The following COBL variants were observed in gnomAD, a reference collection of about 807,000 sequenced individuals.
COBL encodes the protein protein cordon-bleu.
Under a neutral mutation model 98.8 loss-of-function variants are expected in COBL, and 51 were observed. The observed-to-expected ratio is 0.52, with a 90% CI of 0.41 to 0.65. COBL has a LOEUF of 0.65. Ranked by LOEUF, COBL falls within the 30% of genes least tolerant of loss-of-function variation. The pLI is 0.00. For missense variants in COBL, 1,617 were observed against 1,617.5 expected (o/e 1.00, Z 0.01); for synonymous variants, 634 against 651.7 (o/e 0.97, Z 0.41).
At chr7:51,311,516 G>A (rs919973077) in intron 1 of COBL, among the ~76,000 whole-genome samples, 1 of 152,192 alleles carries the variant, frequency 6.6e-6, no homozygotes, top group Non-Finnish European at 1.5e-5. Flanking sequence ...GAAGCAACTA[G>A]AATCATATAA....
intron 3 of COBL, among the ~76,000 whole-genome samples, chr7:51,191,815 G>A (rs1790141273): frequency 6.6e-6 from 1 of 152,064 alleles, no homozygotes; most frequent in African/African-American, 2.4e-5. Context: ...CGCTTTTACT[G>A]ATCACTCTAA....
chr7:51,094,156 T>G, intron 6 of COBL, among the ~76,000 whole-genome samples: 1 of 152,036 alleles, frequency 6.6e-6, no homozygotes, highest in African/African-American at 2.4e-5. Context: ...TGTTCTCACT[T>G]ATATGTGGAA....
rs114278255 is a variant in COBL, at chr7:51,270,180, C to T, written c.41+46413G>A. Among the ~76,000 whole-genome samples, 352 of 152,140 alleles carry T rather than the reference C, an allele frequency of 2.3e-3. 1 individual carries two copies. The highest frequency in any genetic ancestry group is 8.1e-3 in the African/African-American group (337 of 41,514). ...CTGAGCACACAGGGCTTGGCTGGAG[C>T]GAAATAAAATGCACCCTTTTAAGAG... On this transcript the variant is annotated intron_variant, in intron 1 of 12. Transcript: ENST00000265136.
chr7:51,020,972 G>T (rs1786872134), intron 12 of COBL: 1 of 152,204 alleles, frequency 6.6e-6, no homozygotes, highest in African/African-American at 2.4e-5. Context: ...TGTATTACAG[G>T]TTGGGTGACC....
In COBL at chr7:51,028,692, T is replaced by C. The variant is rs1198213742; in HGVS notation, c.2404A>G (p.Asn802Asp). The part of the protein sequence containing the change: ...PSTPVPTQTQ[N>D]PESRLQADPK... ...TCTGCTTGGAGTCTGCTCTCTGGAT[T>C]CTGCGTCTGCGTGGGCACAGGGGTG... is the stretch of plus-strand genomic sequence containing the variant. The change falls in exon 10 of 13, where the codon AAT becomes GAT. Residue 802 changes from asparagine (N) to aspartate (D), a missense_variant. Transcript: ENST00000265136. The C allele has an allele frequency of 6.2e-7, 1 of 1,613,344 alleles. No homozygotes were observed.
chr7:51,094,160 T>C (rs1795073460), intron 6 of COBL, among the ~76,000 whole-genome samples: 1 of 151,984 alleles, frequency 6.6e-6, no homozygotes, highest in African/African-American at 2.4e-5. Flanking sequence ...CTCACTTATA[T>C]GTGGAATCTA....
intron 1 of COBL, among the ~76,000 whole-genome samples, chr7:51,257,043 T>TG (rs1797255583): frequency 6.6e-6 from 1 of 152,126 alleles, no homozygotes; most frequent in East Asian, 1.9e-4. Flanking sequence ...TCACATATAT[T>TG]GTTGCATAGC....
rs191777765 is a variant in COBL, at chr7:51,156,902, G to C, written c.784-20571C>G. ...TAAGCTGGATTCCCCTCTCAGAGAG[G>C]GAGCCACACAGCTGCATCCGCAGCT... On this transcript the variant is annotated intron_variant, in intron 5 of 12. Transcript: ENST00000265136. 3.4e-3 allele frequency among the ~76,000 whole-genome samples: 523 copies of C among 152,234 alleles called. 2 individuals are homozygous for C. The highest frequency in any genetic ancestry group is 0.012 in the African/African-American group (508 of 41,546).
intron 1 of COBL, among the ~76,000 whole-genome samples, chr7:51,225,531 G>C (rs1002265019): frequency 6.6e-6 from 1 of 152,190 alleles, no homozygotes; most frequent in African/African-American, 2.4e-5. Context: ...AGCAGGGAAT[G>C]AATCACAGCA....
intron 6 of COBL, among the ~76,000 whole-genome samples, chr7:51,128,629 C>G (rs2128998112): frequency 6.6e-6 from 1 of 152,344 alleles, no homozygotes; most frequent in East Asian, 1.9e-4. Context: ...CGGCCGCTCA[C>G]TGTGTGATAA....
At chr7:51,058,554 AAAC>A (rs57660073) in intron 7 of COBL, among the ~76,000 whole-genome samples, 141 of 150,176 alleles carry the variant, frequency 9.4e-4, no homozygotes, top group East Asian at 2.4e-3. Flanking sequence ...CCATGTCTCA[AAAC>A]AACAACAACA....
intron 6 of COBL, among the ~76,000 whole-genome samples, chr7:51,096,030 T>C (rs1046454091): frequency 2.6e-5 from 4 of 152,150 alleles, no homozygotes; most frequent in African/African-American, 4.8e-5. Context: ...TATAGACCAA[T>C]GGGATCTAAC....
chr7:51,173,742 C>T (rs1788099442), intron 5 of COBL, among the ~76,000 whole-genome samples: 1 of 152,150 alleles, frequency 6.6e-6, no homozygotes. Context: ...CTTTTGAGAA[C>T]TGCTGTGTTA....
intron 5 of COBL, among the ~76,000 whole-genome samples, chr7:51,155,111 T>C (rs1785984959): frequency 6.6e-6 from 1 of 152,206 alleles, no homozygotes; most frequent in Non-Finnish European, 1.5e-5. Context: ...TTTAACAAAA[T>C]TCAGCTATAA....
intron 7 of COBL, among the ~76,000 whole-genome samples, chr7:51,063,789 A>G (rs1422653623): frequency 6.6e-6 from 1 of 152,148 alleles, no homozygotes. Flanking sequence ...AATTATGGCT[A>G]TTTTCATAAT....
intron 6 of COBL, among the ~76,000 whole-genome samples, chr7:51,130,688 G>A (rs1303932233): frequency 6.6e-6 from 1 of 152,120 alleles, no homozygotes; most frequent in African/African-American, 2.4e-5. Flanking sequence ...CTGCGGAACA[G>A]GATCAAGAAC....
chr7:51,209,046 T>TAAAAAAAAAA (rs572689062), intron 2 of COBL, among the ~76,000 whole-genome samples: 15 of 43,428 alleles, frequency 3.5e-4, no homozygotes, highest in African/African-American at 1.2e-3. Context: ...AATGATCAAT[T>TAAAAAAAAAA]AAAAAAAAAA....
At chr7:51,064,915 G>A (rs1791743309) in intron 7 of COBL, 1 of 546,210 alleles carries the variant, frequency 1.8e-6, no homozygotes, top group Admixed American at 3.2e-5. Context: ...TGGAAAGGAT[G>A]CAGTGCGGTC....
chr7:51,036,015 C>A (rs1403466231), intron 8 of COBL: 1 of 152,158 alleles, frequency 6.6e-6, no homozygotes, highest in Non-Finnish European at 1.5e-5. Context: ...CCCATAGATA[C>A]CAAATTCTGC....
Sources: allele counts gnomAD v4.1 joint callset (sites outside exome capture counted in the v4.1 genomes callset), GRCh38; gene constraint gnomAD v4.1.1; transcripts MANE v1.5; gene names NCBI Gene and HGNC (gene_info 2026-07-23, HGNC 2026-07-21).